Variants in CDH23 observed in about 807,000 individuals in gnomAD.
CDH23 encodes cadherin-23.
A neutral mutation model predicts 317.1 loss-of-function variants in CDH23; 189 were observed. The observed-to-expected ratio is 0.60, with a 90% CI of 0.53 to 0.67. The LOEUF (loss-of-function observed/expected upper bound fraction) is 0.67. Among genes scored for constraint, CDH23 ranks in the 30% least tolerant of loss-of-function variants. The probability of loss-of-function intolerance (pLI) is 0.00; values close to 1 mark genes in which losing one functional copy is unlikely to be tolerated. For missense variants in CDH23, 4,401 were observed against 4,592.4 expected, an observed-to-expected ratio of 0.96 and a Z score of 1.20; for synonymous variants, 1,839 against 1,876.8, an observed-to-expected ratio of 0.98 and a Z score of 0.52.
At chr10:71,724,710 G>C (rs778315390) in intron 29 of CDH23, among the ~76,000 whole-genome samples, 1 of 152,200 alleles carries the variant, frequency 6.6e-6, no homozygotes, top group Non-Finnish European at 1.5e-5. Context: ...CCAGCAGCAC[G>C]CTCCCCAGGG....
At chr10:71,483,186 C>A (rs1279552154) in intron 3 of CDH23, among the ~76,000 whole-genome samples, 2 of 152,196 alleles carry the variant, frequency 1.3e-5, no homozygotes, top group Non-Finnish European at 2.9e-5. Context: ...GCCAGGCTGT[C>A]CTTAGGACTT....
At chr10:71,806,607 T>C (rs1328179128) in intron 57 of CDH23, among the ~76,000 whole-genome samples, 1 of 143,982 alleles carries the variant, frequency 6.9e-6, no homozygotes, top group Non-Finnish European at 1.5e-5. Context: ...TGAGACAGAG[T>C]CTCGCTCCGT....
At position 71,807,362 on chromosome 10, in the gene CDH23, A is replaced by T. The variant is rs1396064364; in HGVS notation, c.8264A>T (p.Asp2755Val). The T allele has an allele frequency of 3.7e-6, 6 of 1,613,874 alleles. No individual in the cohort carries two copies. Among genetic ancestry groups the T allele is most frequent in the Non-Finnish European group, 5.1e-6 (6 of 1,179,834 alleles). The part of the protein sequence containing the change: ...TLVGNVTGAV[D>V]ADEGPNAIVY... ...GTGGGCAACGTGACAGGCGCAGTGG[A>T]TGCAGATGAGGGCCCCAACGCGATC... is the stretch of plus-strand genomic sequence containing the variant. The change falls in exon 58 of 70, where the codon GAT becomes GTT. Residue 2755 changes from aspartate to valine, a missense_variant. Transcript: ENST00000224721.
rs548050564 is a variant in CDH23, at chr10:71,764,662, G to A, written c.4846-13018G>A. ...CCGGCACTCCAGTTCGCCAGAGTCCGTCCGTACTACTCCCTAATAATTCCA... is the reference window on the plus strand; with the variant it reads ...CCGGCACTCCAGTTCGCCAGAGTCCATCCGTACTACTCCCTAATAATTCCA... On this transcript the variant is annotated intron_variant, in intron 38 of 69. Transcript: ENST00000224721. Among the ~76,000 whole-genome samples, 25 of 152,282 alleles carry A rather than the reference G, an allele frequency of 1.6e-4. No homozygotes were observed. The South Asian group carries it at 3.3e-3, about 20-fold the overall frequency.
In CDH23 at chr10:71,410,362, CCTGGAAGATTTCCAGGA is replaced by C. The variant is rs1192571647; in HGVS notation, c.-6+13049_-6+13065del. Reference sequence around the variant, plus strand: ...AGGCTGTAGGTTGAGGGGGTGCAGTCCTGGAAGATTTCCAGGACTGGGAGGTCCCTTGCCCTGAGGCT... The same window carrying C: ...AGGCTGTAGGTTGAGGGGGTGCAGTCCTGGGAGGTCCCTTGCCCTGAGGCT... On this transcript the variant is annotated intron_variant, in intron 1 of 69. Coordinates refer to ENST00000224721, the MANE Select transcript of CDH23 (RefSeq NM_022124.6). Among the ~76,000 whole-genome samples the C allele has an allele frequency of 1.4e-3, 215 of 152,210 alleles. 1 individual carries two copies. The highest frequency in any genetic ancestry group is 4.9e-3 in the African/African-American group (205 of 41,526).
chr10:71,529,327 G>A (rs1472781395), intron 6 of CDH23, among the ~76,000 whole-genome samples: 1 of 152,176 alleles, frequency 6.6e-6, no homozygotes, highest in Non-Finnish European at 1.5e-5. Flanking sequence ...CACCCAGGGT[G>A]GCAACAGCCA....
chr10:71,727,023 C>T (rs1054172030), intron 30 of CDH23, among the ~76,000 whole-genome samples: 45 of 152,364 alleles, frequency 3.0e-4, no homozygotes, highest in African/African-American at 1.1e-3. Context: ...GCCACACCTG[C>T]TCAGCTACTT....
intron 1 of CDH23, among the ~76,000 whole-genome samples, chr10:71,433,404 T>G (rs1184058721): frequency 6.6e-6 from 1 of 152,198 alleles, no homozygotes. Flanking sequence ...ATATGCATTT[T>G]CAGGCTCTTT....
intron 3 of CDH23, among the ~76,000 whole-genome samples, chr10:71,483,683 T>A (rs976959304): frequency 6.6e-6 from 1 of 152,210 alleles, no homozygotes; most frequent in Admixed American, 6.5e-5. Flanking sequence ...GCCTTTTAGG[T>A]GCATCAGCTG....
At chr10:71,643,912 G>C in intron 12 of CDH23, 46 bp downstream of exon 12, 1 of 765,900 alleles carries the variant, frequency 1.3e-6, no homozygotes, top group Non-Finnish European at 2.4e-6. Flanking sequence ...GGGAGGGCTT[G>C]TGGTGGGCAC....
chr10:71,508,843 T>A (rs1173215899), intron 3 of CDH23, among the ~76,000 whole-genome samples: 1 of 152,196 alleles, frequency 6.6e-6, no homozygotes, highest in Non-Finnish European at 1.5e-5. Flanking sequence ...TGTATACAGT[T>A]CTAGTGAGTT....
intron 20 of CDH23, among the ~76,000 whole-genome samples, chr10:71,692,003 G>A (rs1350742257): frequency 2.0e-5 from 3 of 152,186 alleles, no homozygotes; most frequent in Admixed American, 6.5e-5. Context: ...CCCCCACAGT[G>A]AGCCCTCATT....
At chr10:71,429,832 TAG>T (rs1279351007) in intron 1 of CDH23, among the ~76,000 whole-genome samples, 1 of 152,158 alleles carries the variant, frequency 6.6e-6, no homozygotes, top group East Asian at 1.9e-4. Flanking sequence ...TGAGATGAAG[TAG>T]ACTCTGCTTG....
Position 71,740,876 on chromosome 10 carries a change from G to C in CDH23, c.4543G>C (p.Val1515Leu), listed in dbSNP as rs758050912. ...PPRKKDHILQ[V>L]TILDINDNPP... Reference sequence around the variant, plus strand: ...ACGGAAGAAGGACCACATCCTGCAGGTGACCATCCTGGACATCAATGACAA... The same window carrying C: ...ACGGAAGAAGGACCACATCCTGCAGCTGACCATCCTGGACATCAATGACAA... Residue 1515 changes from valine (V) to leucine (L), a missense_variant, in exon 37 of 70, where the codon GTG becomes CTG. By Grantham distance (32) the Val-to-Leu change is conservative. Coordinates refer to ENST00000224721, the MANE Select transcript of CDH23 (RefSeq NM_022124.6). The C allele has an allele frequency of 6.2e-7, 1 of 1,613,906 alleles. No individual in the cohort carries two copies. The highest frequency in any genetic ancestry group is 8.5e-7 in the Non-Finnish European group (1 of 1,179,864).
At chr10:71,552,801 T>C (rs919162293) in intron 6 of CDH23, among the ~76,000 whole-genome samples, 2 of 152,082 alleles carry the variant, frequency 1.3e-5, no homozygotes, top group African/African-American at 4.8e-5. Flanking sequence ...CTGTCCCCCA[T>C]CCAGGGCTCT....
chr10:71,615,304 G>T (rs1045895275), intron 9 of CDH23, among the ~76,000 whole-genome samples, 200 bp from the exon 10 acceptor site: 1 of 152,140 alleles, frequency 6.6e-6, no homozygotes, highest in African/African-American at 2.4e-5. Flanking sequence ...TCTCCTTCTG[G>T]GACCCGTTGC....
intron 3 of CDH23, among the ~76,000 whole-genome samples, chr10:71,506,973 GC>G (rs1022397445): frequency 3.0e-4 from 46 of 152,266 alleles, no homozygotes; most frequent in African/African-American, 1.0e-3. Flanking sequence ...CCTGCCCAGC[GC>G]CCCCCTTCTT....
At chr10:71,407,700 C>T (rs936766166) in intron 1 of CDH23, among the ~76,000 whole-genome samples, 1 of 152,184 alleles carries the variant, frequency 6.6e-6, no homozygotes, top group Admixed American at 6.5e-5. Context: ...TTCCGGGTCT[C>T]GACCCAAGTA....
intron 19 of CDH23, among the ~76,000 whole-genome samples, chr10:71,688,571 G>T (rs1865007420): frequency 6.7e-6 from 1 of 149,214 alleles, no homozygotes; most frequent in Non-Finnish European, 1.5e-5. Context: ...TGGAGCCAGG[G>T]GTTGTGGAGT....
Sources: gnomAD v4.1 joint callset for allele counts (sites outside exome capture counted in the v4.1 genomes callset) on GRCh38, gnomAD v4.1.1 for gene constraint, MANE v1.5 for transcripts, NCBI Gene and HGNC (gene_info 2026-07-23, HGNC 2026-07-21) for gene names.